Variants in ACP3 observed in about 807,000 individuals in gnomAD.
The protein encoded by ACP3 is acid phosphatase 3.
A neutral mutation model predicts 45.6 loss-of-function variants in ACP3; 38 were observed. The ratio of observed to expected loss-of-function variants is 0.83; its 90% CI spans 0.64 to 1.09. The LOEUF (loss-of-function observed/expected upper bound fraction) is 1.09. Ranked by LOEUF, ACP3 falls within the 50% of genes least tolerant of loss-of-function variation. ACP3 has a pLI of 0.00. For synonymous variants in ACP3, 162 were observed against 164.7 expected, an observed-to-expected ratio of 0.98 and a Z score of 0.13; for missense variants, 466 against 463.2, an observed-to-expected ratio of 1.01 and a Z score of -0.05.
chr3:132,349,768 G>A, intron 7 of ACP3, 152 bp from the exon 8 acceptor site: 1 of 615,484 alleles, frequency 1.6e-6, no homozygotes, highest in Non-Finnish European at 2.9e-6. Context: ...ACATTACCTA[G>A]CACAGAGCAG....
In ACP3 at chr3:132,317,796, C is replaced by G. The variant is rs1937137139; in HGVS notation, c.120+220C>G. On this transcript the variant is annotated intron_variant, in intron 1 of 9. Transcript: ENST00000336375. ...TTGGTCGCTGTTTTTTTAGGGGTTG[C>G]TTTTTATTTGCTTTTGCTGATGTTA... Among the ~76,000 whole-genome samples, 3 of 152,262 alleles carry G rather than the reference C, an allele frequency of 2.0e-5. No homozygotes were observed. The South Asian group carries it at 6.2e-4, about 32-fold the overall frequency.
intron 4 of ACP3, among the ~76,000 whole-genome samples, chr3:132,335,757 G>A (rs1418418267): frequency 6.6e-6 from 1 of 152,108 alleles, no homozygotes; most frequent in Non-Finnish European, 1.5e-5. Flanking sequence ...ACAGCAAGAA[G>A]GCCCAAAGTG....
chr3:132,342,760 CTTT>C, intron 6 of ACP3, 116 bp downstream of exon 6: 1 of 555,138 alleles, frequency 1.8e-6, no homozygotes, highest in South Asian at 3.1e-5. Flanking sequence ...ACTTATACTT[CTTT>C]TGACATTGAA....
chr3:132,338,686 C>G (rs942473030), intron 5 of ACP3, among the ~76,000 whole-genome samples: 1 of 152,166 alleles, frequency 6.6e-6, no homozygotes, highest in African/African-American at 2.4e-5. Context: ...ATTTGCCAAT[C>G]TGGTAAGTGG....
intron 1 of ACP3, among the ~76,000 whole-genome samples, chr3:132,324,379 A>C (rs191297874): frequency 6.6e-6 from 1 of 152,306 alleles, no homozygotes; most frequent in Non-Finnish European, 1.5e-5. Flanking sequence ...CCAAACCAAA[A>C]GTCCTTTTAA....
intron 2 of ACP3, 61 bp downstream of exon 2, chr3:132,328,423 A>T: frequency 6.9e-7 from 1 of 1,446,092 alleles, no homozygotes; most frequent in South Asian, 1.1e-5. Flanking sequence ...TCACGCCTGT[A>T]ATCCCAGCAC....
intron 9 of ACP3, 140 bp from the exon 10 acceptor site, chr3:132,356,546 A>G: frequency 6.7e-7 from 1 of 1,499,488 alleles, no homozygotes; most frequent in South Asian, 1.3e-5. Flanking sequence ...CCATTTACAC[A>G]CCTAAATTGG....
intron 2 of ACP3, 75 bp downstream of exon 2, chr3:132,328,437 G>A: frequency 7.9e-7 from 1 of 1,268,568 alleles, no homozygotes. Context: ...CCAGCACTTT[G>A]GGAGGCCGAG....
At chr3:132,318,895 C>G (rs1305657742) in intron 1 of ACP3, among the ~76,000 whole-genome samples, 1 of 152,142 alleles carries the variant, frequency 6.6e-6, no homozygotes, top group Non-Finnish European at 1.5e-5. Context: ...CTGAGAAATC[C>G]AAGTTACTCC....
intron 1 of ACP3, among the ~76,000 whole-genome samples, chr3:132,324,024 C>A (rs898167081): frequency 7.9e-5 from 12 of 152,236 alleles, no homozygotes; most frequent in Admixed American, 4.6e-4. Flanking sequence ...TCGAGACCAG[C>A]CTGGCCAACA....
At chr3:132,325,427 T>C (rs1037628367) in intron 1 of ACP3, among the ~76,000 whole-genome samples, 1 of 152,178 alleles carries the variant, frequency 6.6e-6, no homozygotes, top group African/African-American at 2.4e-5. Context: ...ATGTTCCAGT[T>C]CTCTGCTCTT....
chr3:132,332,850 C>G (rs1407967672), intron 4 of ACP3, among the ~76,000 whole-genome samples: 1 of 152,194 alleles, frequency 6.6e-6, no homozygotes, highest in Non-Finnish European at 1.5e-5. Context: ...TTCATAACAA[C>G]TCTGAATGGA....
chr3:132,358,246 G>A lies in ACP3; in HGVS notation c.*1368G>A, dbSNP rs772357078. 1.8e-6 allele frequency: 2 copies of A among 1,123,666 alleles called. No individual in the cohort carries two copies. The highest frequency in any genetic ancestry group is 6.5e-5 in the East Asian group (1 of 15,354). The allele number at this position is 1,123,666 out of a possible 1,614,324, so 69.6% of individuals were successfully genotyped here. On this transcript the variant is annotated 3_prime_UTR_variant, in exon 10 of 10. Coordinates refer to ENST00000336375, the MANE Select transcript of ACP3 (RefSeq NM_001099.5). ...GTCTCTACCAAAAAAAGGAAGGAAG[G>A]GACACATATCAAACTGAAACAAAAT...
At chr3:132,317,658 T>C in intron 1 of ACP3, 82 bp downstream of exon 1, 1 of 1,441,782 alleles carries the variant, frequency 6.9e-7, no homozygotes, top group South Asian at 1.5e-5. Context: ...GGTTTCATCT[T>C]ATCCTTGGAT....
chr3:132,335,470 A>C (rs1463914872), intron 4 of ACP3, among the ~76,000 whole-genome samples: 1 of 152,254 alleles, frequency 6.6e-6, no homozygotes, highest in East Asian at 1.9e-4. Flanking sequence ...CTGAGTAGCT[A>C]CTAATATGCC....
rs1937971795 is a variant in ACP3 at position 132,358,583 on chromosome 3, C to T, written c.*1705C>T. ...CTGCCAGAATCTAGAGCAAAGCCAT[C>T]CCCGCTCCTGGTTGGTCACAGAATG... On this transcript the variant is annotated 3_prime_UTR_variant, in exon 10 of 10. Coordinates refer to ENST00000336375, the MANE Select transcript of ACP3 (RefSeq NM_001099.5). 5 of 1,117,558 alleles carry T rather than the reference C, an allele frequency of 4.5e-6. No homozygotes were observed. Among genetic ancestry groups the T allele is most frequent in the Non-Finnish European group, 5.6e-6 (5 of 892,112 alleles). 69.2% of individuals were successfully genotyped at this position (1,117,558 alleles called of 1,614,324 possible).
intron 6 of ACP3, among the ~76,000 whole-genome samples, chr3:132,344,323 A>T (rs951485926): frequency 6.6e-6 from 1 of 150,390 alleles, no homozygotes; most frequent in Non-Finnish European, 1.5e-5. Flanking sequence ...GCATGCACCT[A>T]TAGTCCCAAC....
intron 7 of ACP3, among the ~76,000 whole-genome samples, chr3:132,349,393 C>T (rs1436243843): frequency 6.6e-6 from 1 of 152,144 alleles, no homozygotes; most frequent in Non-Finnish European, 1.5e-5. Flanking sequence ...ATGATCTGTA[C>T]AAACATCCAG....
chr3:132,357,722 T>C lies in ACP3; in HGVS notation c.*844T>C. 1 of 985,352 alleles carries C rather than the reference T, an allele frequency of 1.0e-6. No homozygotes were observed. The highest frequency in any genetic ancestry group is 1.2e-6 in the Non-Finnish European group (1 of 829,910). The allele number at this position is 985,352 out of a possible 1,614,324, so 61.0% of individuals were successfully genotyped here. On this transcript the variant is annotated 3_prime_UTR_variant, in exon 10 of 10. Transcript: ENST00000336375. ...GGAGTTTCTCTAGAAGCTCCAGTGA[T>C]AAGAGATGTTGACTCTAAAGTTGAT...
Sources: gnomAD v4.1 joint callset for allele counts (sites outside exome capture counted in the v4.1 genomes callset) on GRCh38, gnomAD v4.1.1 for gene constraint, MANE v1.5 for transcripts, NCBI Gene and HGNC (gene_info 2026-07-23, HGNC 2026-07-21) for gene names.